The following NRG2 variants were observed in gnomAD, a reference collection of about 807,000 sequenced individuals.
NRG2 encodes pro-neuregulin-2, membrane-bound isoform.
Under a neutral mutation model 73.9 loss-of-function variants are expected in NRG2, and 27 were observed. The ratio of observed to expected loss-of-function variants is 0.37; its 90% confidence interval spans 0.27 to 0.50. NRG2 has a LOEUF of 0.50. Ranked by LOEUF, NRG2 falls within the 20% of genes least tolerant of loss-of-function variation. The probability of loss-of-function intolerance (pLI) is 0.96; values close to 1 mark genes in which losing one functional copy is unlikely to be tolerated. For missense variants in NRG2, 1,126 were observed against 1,210.1 expected (o/e 0.93, Z 1.03); for synonymous variants, 532 against 541.0 (o/e 0.98, Z 0.23).
At position 140,042,656 on chromosome 5, in the gene NRG2, C is replaced by A. The variant is rs749105318; in HGVS notation, c.414G>T (p.Leu138=). Residue 138 remains leucine, a synonymous_variant, in exon 1 of 10, where the codon CTG becomes CTT. Coordinates refer to ENST00000361474, the MANE Select transcript of NRG2 (RefSeq NM_004883.3). ...PVVVEGKVQG[L]VPAGGSSSNS... is the part of the protein sequence containing the mutation. ...TGGAGCTGGAGCCGCCGGCTGGGACCAGCCCCTGTACCTTGCCCTCCACCA... is the reference window on the plus strand; with the variant it reads ...TGGAGCTGGAGCCGCCGGCTGGGACAAGCCCCTGTACCTTGCCCTCCACCA... 15 of 1,597,164 alleles carry A rather than the reference C, an allele frequency of 9.4e-6. No individual in the cohort carries two copies. The highest frequency in any genetic ancestry group is 1.3e-5 in the Non-Finnish European group (15 of 1,172,964).
At chr5:139,872,452 A>G (rs1021299795) in intron 3 of NRG2, among the ~76,000 whole-genome samples, 2 of 152,170 alleles carry the variant, frequency 1.3e-5, no homozygotes, top group Non-Finnish European at 2.9e-5. Context: ...GGCTAGCTCC[A>G]GGAATGCTTC....
intron 1 of NRG2, among the ~76,000 whole-genome samples, chr5:140,019,088 G>A (rs1376194270): frequency 6.6e-6 from 1 of 152,212 alleles, no homozygotes; most frequent in African/African-American, 2.4e-5. Flanking sequence ...ATAAGCAAAT[G>A]ACATAAGAAA....
At chr5:140,025,115 C>G (rs897186118) in intron 1 of NRG2, among the ~76,000 whole-genome samples, 4 of 152,192 alleles carry the variant, frequency 2.6e-5, no homozygotes, top group Admixed American at 2.6e-4. Flanking sequence ...AAAAAAACCC[C>G]TGACAAGGCC....
At chr5:139,903,205 T>C (rs1425776827) in intron 1 of NRG2, among the ~76,000 whole-genome samples, 3 of 152,186 alleles carry the variant, frequency 2.0e-5, no homozygotes, top group South Asian at 2.1e-4. Flanking sequence ...AGTGAGGGGA[T>C]AGAGACCCAG....
chr5:140,030,753 G>A (rs1242560013), intron 1 of NRG2, among the ~76,000 whole-genome samples: 3 of 152,176 alleles, frequency 2.0e-5, no homozygotes. Context: ...GTGGTGTCTG[G>A]CTCTGCCCAG....
intron 1 of NRG2, among the ~76,000 whole-genome samples, chr5:139,895,991 C>T (rs2127154407): frequency 6.6e-6 from 1 of 152,306 alleles, no homozygotes; most frequent in South Asian, 2.1e-4. Context: ...AGAGCCCCAT[C>T]CTCTTTGGGG....
intron 1 of NRG2, among the ~76,000 whole-genome samples, chr5:139,990,465 C>T (rs1757533273): frequency 6.6e-6 from 1 of 152,016 alleles, no homozygotes. Context: ...ACCACTACAT[C>T]AAGCTAATTT....
intron 1 of NRG2, among the ~76,000 whole-genome samples, chr5:139,991,742 T>C (rs995202129): frequency 6.6e-6 from 1 of 152,196 alleles, no homozygotes; most frequent in Non-Finnish European, 1.5e-5. Context: ...TTGTATAGGG[T>C]ATGAGCAGGG....
intron 1 of NRG2, among the ~76,000 whole-genome samples, chr5:139,967,078 G>C (rs879717928): frequency 6.6e-6 from 1 of 152,154 alleles, no homozygotes; most frequent in Non-Finnish European, 1.5e-5. Context: ...CAGTCATGTG[G>C]GAATCACATG....
intron 3 of NRG2, 64 bp downstream of exon 3, chr5:139,880,792 G>C (rs564781997): frequency 3.5e-4 from 439 of 1,265,100 alleles, no homozygotes; most frequent in Non-Finnish European, 4.6e-4. Flanking sequence ...CCAAGGGCTG[G>C]GGGGCCACTG....
intron 1 of NRG2, among the ~76,000 whole-genome samples, chr5:139,976,203 T>A (rs569290331): frequency 1.3e-5 from 2 of 152,218 alleles, no homozygotes; most frequent in Admixed American, 1.3e-4. Context: ...TTGGAATTCC[T>A]GACAAGTCAG....
At chr5:139,997,717 A>G (rs62383914) in intron 1 of NRG2, among the ~76,000 whole-genome samples, 391 of 152,346 alleles carry the variant, frequency 2.6e-3, no homozygotes, top group Non-Finnish European at 4.5e-3. Flanking sequence ...TCAGCCCTCA[A>G]TGGGCCCTAG....
intron 2 of NRG2, among the ~76,000 whole-genome samples, chr5:139,885,714 G>T: frequency 6.6e-6 from 1 of 151,984 alleles, no homozygotes; most frequent in Admixed American, 6.5e-5. Flanking sequence ...GTGGGTGTGT[G>T]TGTGTGGTGG....
At chr5:140,028,212 T>C (rs1197666634) in intron 1 of NRG2, among the ~76,000 whole-genome samples, 1 of 152,244 alleles carries the variant, frequency 6.6e-6, no homozygotes, top group Non-Finnish European at 1.5e-5. Context: ...GTACTATTAA[T>C]GTCCTGGTTT....
intron 5 of NRG2, among the ~76,000 whole-genome samples, chr5:139,863,429 G>T (rs1168623997): frequency 6.6e-6 from 1 of 152,282 alleles, no homozygotes; most frequent in Non-Finnish European, 1.5e-5. Context: ...TGCCTTTGCA[G>T]GCTCTTTTCT....
chr5:140,001,469 A>G (rs894352756), intron 1 of NRG2, among the ~76,000 whole-genome samples: 1 of 152,164 alleles, frequency 6.6e-6, no homozygotes, highest in Non-Finnish European at 1.5e-5. Flanking sequence ...ATGCCTCAGG[A>G]AGCAATTGAT....
intron 1 of NRG2, among the ~76,000 whole-genome samples, chr5:140,022,645 A>G (rs1003436936): frequency 1.3e-5 from 2 of 152,210 alleles, no homozygotes; most frequent in African/African-American, 4.8e-5. Context: ...TGGGAAAATT[A>G]TTAACCTCTT....
chr5:139,956,053 G>A (rs933253879), intron 1 of NRG2, among the ~76,000 whole-genome samples: 1 of 152,168 alleles, frequency 6.6e-6, no homozygotes, highest in Admixed American at 6.5e-5. Context: ...AGGAAGGTGG[G>A]ACCCCCTGTG....
intron 1 of NRG2, among the ~76,000 whole-genome samples, chr5:139,997,306 T>C (rs911987561): frequency 6.6e-6 from 1 of 152,140 alleles, no homozygotes; most frequent in Non-Finnish European, 1.5e-5. Context: ...GAGGCACTAC[T>C]AAAGCTCAGC....
Sources: gnomAD v4.1 joint callset for allele counts (sites outside exome capture counted in the v4.1 genomes callset) on GRCh38, gnomAD v4.1.1 for gene constraint, MANE v1.5 for transcripts, NCBI Gene and HGNC (gene_info 2026-07-23, HGNC 2026-07-21) for gene names.